The following MYO16 variants were observed in gnomAD, a reference collection of about 807,000 sequenced individuals.
MYO16 encodes myosin XVI.
In MYO16, 94 loss-of-function variants were observed where a neutral mutation model predicts 205.3. The ratio of observed to expected loss-of-function variants is 0.46; its 90% CI spans 0.39 to 0.54. The LOEUF (loss-of-function observed/expected upper bound fraction) is 0.54. Ranked by LOEUF, MYO16 falls within the 20% of genes least tolerant of loss-of-function variation. MYO16 has a pLI of 0.00. For synonymous variants in MYO16, 988 were observed against 954.0 expected, an observed-to-expected ratio of 1.04 and a Z score of -0.66; for missense variants, 2,315 against 2,387.5, an observed-to-expected ratio of 0.97 and a Z score of 0.63.
intron 4 of MYO16, among the ~76,000 whole-genome samples, chr13:108,759,745 C>T (rs1352359065): frequency 6.6e-6 from 1 of 150,848 alleles, no homozygotes; most frequent in Non-Finnish European, 1.5e-5. Context: ...GGCGTGAACC[C>T]AGGAGGCGGA....
chr13:108,671,791 C>T (rs1881998751), intron 2 of MYO16, among the ~76,000 whole-genome samples: 1 of 152,218 alleles, frequency 6.6e-6, no homozygotes, highest in Admixed American at 6.5e-5. Flanking sequence ...CTTGCTGTGT[C>T]CTCACATGGT....
intron 6 of MYO16, among the ~76,000 whole-genome samples, chr13:108,798,688 ATTTTTTTT>A (rs35432777): frequency 5.0e-4 from 35 of 70,370 alleles, no homozygotes; most frequent in African/African-American, 2.0e-3. Flanking sequence ...CCCGAGGCTT[ATTTTTTTT>A]TTTTTTTTTT....
At chr13:108,673,838 T>C (rs945679293) in intron 2 of MYO16, among the ~76,000 whole-genome samples, 21 of 152,058 alleles carry the variant, frequency 1.4e-4, no homozygotes, top group Non-Finnish European at 4.4e-5. Context: ...ATAACCACCC[T>C]CATCTTCTTC....
chr13:109,022,356 ATG>A (rs1210269793), intron 23 of MYO16, among the ~76,000 whole-genome samples: 2 of 115,352 alleles, frequency 1.7e-5, no homozygotes, highest in East Asian at 2.3e-4. Flanking sequence ...ACAAATATAT[ATG>A]TATATATGTA....
At chr13:108,548,105 T>C in the MYO16 span, among the ~76,000 whole-genome samples, 1 of 152,238 alleles carries the variant, frequency 6.6e-6, no homozygotes, top group South Asian at 2.1e-4. Flanking sequence ...TAAAATCTTT[T>C]GATCTACTTA....
chr13:108,813,284 A>T (rs994115523), intron 7 of MYO16, among the ~76,000 whole-genome samples: 2 of 152,184 alleles, frequency 1.3e-5, no homozygotes, highest in Admixed American at 1.3e-4. Flanking sequence ...AAAGTATTAG[A>T]TCTGAAATAG....
intron 31 of MYO16, among the ~76,000 whole-genome samples, chr13:109,130,072 AC>A (rs1450792935): frequency 6.6e-6 from 1 of 152,152 alleles, no homozygotes; most frequent in Non-Finnish European, 1.5e-5. Flanking sequence ...ATATCTATAC[AC>A]ACACATAATA....
chr13:108,821,007 T>A (rs1391501554), intron 8 of MYO16, among the ~76,000 whole-genome samples: 1 of 152,132 alleles, frequency 6.6e-6, no homozygotes, highest in Non-Finnish European at 1.5e-5. Flanking sequence ...ATTAATTTTG[T>A]GGCTTTCAAA....
At chr13:108,525,387 G>A in the MYO16 span, among the ~76,000 whole-genome samples, 2 of 152,164 alleles carry the variant, frequency 1.3e-5, no homozygotes, top group Non-Finnish European at 2.9e-5. Flanking sequence ...CATTCCCTAA[G>A]CATTGTGAGT....
intron 33 of MYO16, among the ~76,000 whole-genome samples, chr13:109,175,253 T>C (rs1040681521): frequency 3.3e-5 from 5 of 152,334 alleles, no homozygotes; most frequent in African/African-American, 1.2e-4. Flanking sequence ...TAACTTTCAG[T>C]GCTCTGAGCA....
chr13:108,920,800 AAG>A (rs1211708069), intron 16 of MYO16, among the ~76,000 whole-genome samples: 1 of 152,212 alleles, frequency 6.6e-6, no homozygotes, highest in African/African-American at 2.4e-5. Flanking sequence ...CCGTATAAAT[AAG>A]AGATATTTAT....
chr13:109,023,570 C>A (rs12858269), intron 23 of MYO16, among the ~76,000 whole-genome samples: 3 of 119,410 alleles, frequency 2.5e-5, no homozygotes, highest in African/African-American at 9.8e-5. Flanking sequence ...TATACAAATA[C>A]ATGTATATAT....
chr13:109,174,534 T>C (rs1879074681), intron 33 of MYO16, among the ~76,000 whole-genome samples: 1 of 152,092 alleles, frequency 6.6e-6, no homozygotes, highest in Non-Finnish European at 1.5e-5. Context: ...GATGTCCAAT[T>C]TCATGGAAAT....
At chr13:108,565,997 T>C in the MYO16 span, among the ~76,000 whole-genome samples, 10 of 152,148 alleles carry the variant, frequency 6.6e-5, no homozygotes, top group African/African-American at 2.4e-4. Flanking sequence ...GCTTTTTTTT[T>C]TTAATGTGTC....
At chr13:109,042,332 C>T (rs1453631363) in intron 23 of MYO16, among the ~76,000 whole-genome samples, 2 of 152,212 alleles carry the variant, frequency 1.3e-5, no homozygotes, top group African/African-American at 2.4e-5. Flanking sequence ...AATTACTTGG[C>T]TGTGTCCACT....
intron 27 of MYO16, among the ~76,000 whole-genome samples, chr13:109,071,156 C>T (rs1405436027): frequency 1.3e-5 from 2 of 151,974 alleles, no homozygotes; most frequent in Non-Finnish European, 2.9e-5. Context: ...TTTTAAAAAA[C>T]ACGTCATTTG....
chr13:108,741,139 T>C (rs1405703147), intron 4 of MYO16, among the ~76,000 whole-genome samples: 1 of 152,056 alleles, frequency 6.6e-6, no homozygotes, highest in Non-Finnish European at 1.5e-5. Flanking sequence ...TCACCCACTG[T>C]CCTGCACCCA....
Position 109,141,050 on chromosome 13 carries a change from C to G in MYO16, c.4838C>G (p.Ala1613Gly). ...GPPPAPYRPCAHLAFPPEPAP... is the reference protein window; with the variant it reads ...GPPPAPYRPCGHLAFPPEPAP... ...CCCCCCGCGCCCTACAGGCCCTGCG[C>G]GCACTTGGCCTTCCCGCCGGAGCCC... Residue 1613 changes from alanine to glycine, a missense_variant, in exon 32 of 35, where the codon GCG becomes GGG. Ala to Gly is a moderately conservative substitution (Grantham distance 60, BLOSUM62 0). Transcript: ENST00000457511. The surrounding 1 kb of genome is among the most constrained non-coding windows in gnomAD (Gnocchi z 4.1). 7.1e-7 allele frequency: 1 copy of G among 1,407,648 alleles called. No individual in the cohort carries two copies. The highest frequency in any genetic ancestry group is 9.2e-7 in the Non-Finnish European group (1 of 1,084,490). The allele number at this position is 1,407,648 out of a possible 1,614,324, so 87.2% of individuals were successfully genotyped here. A position where few individuals can be genotyped will look rare whatever the true frequency, so the allele number is the denominator to read the frequency against.
At chr13:108,915,057 T>G (rs143619607) in intron 16 of MYO16, among the ~76,000 whole-genome samples, 2 of 152,340 alleles carry the variant, frequency 1.3e-5, no homozygotes, top group East Asian at 3.9e-4. Flanking sequence ...TATTTCAGCA[T>G]AAAATGAATG....
Sources: allele counts gnomAD v4.1 joint callset (sites outside exome capture counted in the v4.1 genomes callset), GRCh38; gene constraint gnomAD v4.1.1; non-coding constraint Gnocchi (gnomAD v3.1); transcripts MANE v1.5; gene names NCBI Gene and HGNC (gene_info 2026-07-23, HGNC 2026-07-21).